The following SLC1A2 variants were observed in gnomAD, a reference collection of about 807,000 sequenced individuals.
SLC1A2 encodes solute carrier family 1 member 2, also known as excitatory amino acid transporter 2.
Under a neutral mutation model 48.8 loss-of-function variants are expected in SLC1A2, and 15 were observed. That is an observed-to-expected ratio of 0.31 (90% CI 0.21 to 0.47). SLC1A2 has a LOEUF of 0.47. Ranked by LOEUF, SLC1A2 falls within the 20% of genes least tolerant of loss-of-function variation. The probability of loss-of-function intolerance (pLI) is 0.99; values close to 1 mark genes in which losing one functional copy is unlikely to be tolerated. For missense variants in SLC1A2, 502 were observed against 730.5 expected (o/e 0.69, Z 3.61); for synonymous variants, 279 against 272.6 (o/e 1.02, Z -0.23).
At chr11:35,292,229 A>G (rs995689097) in intron 7 of SLC1A2, 58 bp downstream of exon 7, 3 of 1,242,186 alleles carry the variant, frequency 2.4e-6, no homozygotes, top group Non-Finnish European at 3.5e-6. Context: ...AGAAATGAGA[A>G]ATGGCAAAGA....
chr11:35,373,934 C>T (rs766633101), intron 1 of SLC1A2, among the ~76,000 whole-genome samples: 2 of 152,340 alleles, frequency 1.3e-5, no homozygotes, highest in Non-Finnish European at 2.9e-5. Flanking sequence ...TACCTAAGAA[C>T]GTCGGCTCCA....
chr11:35,387,209 T>C (rs1174399714), intron 1 of SLC1A2, among the ~76,000 whole-genome samples: 1 of 152,156 alleles, frequency 6.6e-6, no homozygotes, highest in Non-Finnish European at 1.5e-5. Flanking sequence ...GAGAATTACC[T>C]AAGAAGAAAT....
At chr11:35,277,244 C>T (rs1469541217) in intron 9 of SLC1A2, among the ~76,000 whole-genome samples, 1 of 152,218 alleles carries the variant, frequency 6.6e-6, no homozygotes, top group Non-Finnish European at 1.5e-5. Context: ...ACCGTTCCAA[C>T]TCTGGGCCTC....
At chr11:35,261,613 C>T (rs533217962) in intron 10 of SLC1A2, 1 of 398,404 alleles carries the variant, frequency 2.5e-6, no homozygotes, top group Non-Finnish European at 4.4e-6. Flanking sequence ...GTGAACTGAA[C>T]CTTTTTGCAG....
chr11:35,286,813 G>T lies in SLC1A2; in HGVS notation c.1230C>A (p.Ile410=). The change falls in exon 8 of 11, where the codon ATC becomes ATA. Residue 410 remains isoleucine, a synonymous_variant. Coordinates refer to ENST00000278379, the MANE Select transcript of SLC1A2 (RefSeq NM_004171.4). ...GTALYEAVAA[I]FIAQMNGVVL... Reference sequence around the variant, plus strand: ...CAACACCATTCATTTGGGCTATAAAGATGGCGGCTACCGCTTCATAAAGGG... The same window carrying T: ...CAACACCATTCATTTGGGCTATAAATATGGCGGCTACCGCTTCATAAAGGG... 6.2e-7 allele frequency: 1 copy of T among 1,613,808 alleles called. No homozygotes were observed.
chr11:35,354,290 A>G (rs938724822), intron 1 of SLC1A2, among the ~76,000 whole-genome samples: 2 of 150,798 alleles, frequency 1.3e-5, no homozygotes, highest in Non-Finnish European at 3.0e-5. Context: ...CGTGTCTACA[A>G]AAAAAAAATT....
intron 1 of SLC1A2, among the ~76,000 whole-genome samples, chr11:35,325,794 C>G (rs191294105): frequency 8.6e-5 from 13 of 151,850 alleles, no homozygotes; most frequent in Admixed American, 2.6e-4. Flanking sequence ...GAAACCCTGT[C>G]TCTACTAAAA....
chr11:35,268,283 T>C (rs1850161648), intron 9 of SLC1A2, among the ~76,000 whole-genome samples: 1 of 152,226 alleles, frequency 6.6e-6, no homozygotes, highest in African/African-American at 2.4e-5. Flanking sequence ...CCCAGAATAA[T>C]TTGCATTATT....
chr11:35,265,165 G>C (rs993121725), intron 10 of SLC1A2: 2 of 292,630 alleles, frequency 6.8e-6, no homozygotes, highest in African/African-American at 4.4e-5. Context: ...GGATGGTCTT[G>C]ATCTCCTGAC....
At chr11:35,382,024 A>C (rs1203206783) in intron 1 of SLC1A2, among the ~76,000 whole-genome samples, 1 of 152,238 alleles carries the variant, frequency 6.6e-6, no homozygotes. Context: ...AGATTCCCAC[A>C]ACAACCTTAT....
At chr11:35,414,719 G>A (rs1855560656) in intron 1 of SLC1A2, among the ~76,000 whole-genome samples, 1 of 152,224 alleles carries the variant, frequency 6.6e-6, no homozygotes, top group Non-Finnish European at 1.5e-5. Context: ...TTCAGACTGC[G>A]AAGACAAGTT....
chr11:35,323,397 A>G (rs1852140542), intron 1 of SLC1A2: 1 of 152,782 alleles, frequency 6.5e-6, no homozygotes, highest in Admixed American at 6.5e-5. Context: ...GTAAACTGCT[A>G]TGAAATGGTA....
Position 35,419,192 on chromosome 11 carries a change from G to A in SLC1A2, c.-226C>T, listed in dbSNP as rs553529475. On this transcript the variant is annotated 5_prime_UTR_variant, in exon 1 of 11. Coordinates refer to ENST00000278379, the MANE Select transcript of SLC1A2 (RefSeq NM_004171.4). This position sits in a 1 kb window ranked among gnomAD's most constrained non-coding sequence, Gnocchi z 5.4. ...CGGCTCTCCACGGCGCGCGACCCGC[G>A]CTCCCCTCCGCCCGCGGGGATGGCG... 4 of 452,878 alleles carry A rather than the reference G, an allele frequency of 8.8e-6. No homozygotes were observed. Among genetic ancestry groups the A allele is most frequent in the South Asian group, 9.2e-5 (2 of 21,724 alleles). The allele number at this position is 452,878 out of a possible 1,614,324, so 28.1% of individuals were successfully genotyped here.
At chr11:35,261,906 G>A (rs1950400074) in intron 10 of SLC1A2, 1 of 394,394 alleles carries the variant, frequency 2.5e-6, no homozygotes, top group African/African-American at 2.1e-5. Flanking sequence ...TCAAGCAAAG[G>A]AAAATAAAAA....
At chr11:35,393,429 C>T (rs1854844850) in intron 1 of SLC1A2, among the ~76,000 whole-genome samples, 1 of 152,230 alleles carries the variant, frequency 6.6e-6, no homozygotes, top group Admixed American at 6.5e-5. Context: ...CTCCTGACTT[C>T]TCCCCACAGT....
At chr11:35,400,306 A>G (rs969562528) in intron 1 of SLC1A2, among the ~76,000 whole-genome samples, 3 of 152,256 alleles carry the variant, frequency 2.0e-5, no homozygotes, top group African/African-American at 7.2e-5. Context: ...CCTCCAAAAA[A>G]TGAAAACTAT....
At chr11:35,288,448 T>C (rs1475210888) in intron 7 of SLC1A2, among the ~76,000 whole-genome samples, 2 of 152,136 alleles carry the variant, frequency 1.3e-5, no homozygotes, top group African/African-American at 4.8e-5. Flanking sequence ...TAATGAGAAG[T>C]CAGTGTCCCT....
intron 6 of SLC1A2, among the ~76,000 whole-genome samples, chr11:35,293,888 C>T (rs112129764): frequency 0.025 from 3,875 of 152,184 alleles, 168 homozygotes; most frequent in African/African-American, 0.088. Flanking sequence ...AATATGTGAC[C>T]ATGGTTAGTG....
chr11:35,362,216 C>G (rs998586464), intron 1 of SLC1A2, among the ~76,000 whole-genome samples: 1 of 152,176 alleles, frequency 6.6e-6, no homozygotes, highest in Non-Finnish European at 1.5e-5. Flanking sequence ...TGCACAATCC[C>G]CGCAGGTGTC....
Sources: allele counts gnomAD v4.1 joint callset (sites outside exome capture counted in the v4.1 genomes callset), GRCh38; gene constraint gnomAD v4.1.1; non-coding constraint Gnocchi (gnomAD v3.1); transcripts MANE v1.5; gene names NCBI Gene and HGNC (gene_info 2026-07-23, HGNC 2026-07-21).